Variants in ANO2 observed in about 807,000 individuals in gnomAD.
ANO2 encodes the protein anoctamin 2.
Under a neutral mutation model 124.2 loss-of-function variants are expected in ANO2, and 101 were observed. That is an observed-to-expected ratio of 0.81 (90% CI 0.69 to 0.96). The LOEUF (loss-of-function observed/expected upper bound fraction) is 0.96, where lower values mean the gene tolerates loss of function less well. Ranked by LOEUF, ANO2 falls within the 40% of genes least tolerant of loss-of-function variation. The pLI is 0.00. For synonymous variants in ANO2, 486 were observed against 482.5 expected (o/e 1.01, Z -0.09); for missense variants, 1,293 against 1,274.5 (o/e 1.01, Z -0.22).
At chr12:5,629,949 G>A (rs996210672) in intron 16 of ANO2, among the ~76,000 whole-genome samples, 7 of 152,306 alleles carry the variant, frequency 4.6e-5, no homozygotes, top group African/African-American at 7.2e-5. Flanking sequence ...GCAGCCAGGA[G>A]GACAATCACT....
chr12:5,806,579 A>C (rs1208619007), intron 8 of ANO2, among the ~76,000 whole-genome samples: 2 of 152,238 alleles, frequency 1.3e-5, no homozygotes, highest in Non-Finnish European at 2.9e-5. Context: ...CACGTGCCCA[A>C]GACCTGACCA....
chr12:5,653,645 A>G (rs1947021985), intron 14 of ANO2, among the ~76,000 whole-genome samples: 1 of 152,236 alleles, frequency 6.6e-6, no homozygotes, highest in African/African-American at 2.4e-5. Flanking sequence ...ATATGTACCA[A>G]GCATCATGCT....
rs374269290 is a variant in ANO2 at position 5,658,288 on chromosome 12, C to A, written c.1546-10487G>T. On this transcript the variant is annotated intron_variant, in intron 14 of 24. Transcript: ENST00000682330. The surrounding 1 kb of genome is among the most constrained non-coding windows in gnomAD (Gnocchi z 4.3). ...TAGTGCCAACGGTATGAGATTGCTG[C>A]TATGGAGATGAAATGAGGTAATGCA... Among the ~76,000 whole-genome samples, 1 of 152,150 alleles carries A rather than the reference C, an allele frequency of 6.6e-6. No homozygotes were observed. The highest frequency in any genetic ancestry group is 1.9e-4 in the East Asian group (1 of 5,194).
chr12:5,667,703 C>A (rs191669425), intron 14 of ANO2, among the ~76,000 whole-genome samples: 5 of 152,160 alleles, frequency 3.3e-5, no homozygotes, highest in African/African-American at 1.2e-4. Flanking sequence ...CTCCCTACCC[C>A]CTTCCATCTC....
At chr12:5,751,720 CTT>C (rs1951446913) in intron 10 of ANO2, among the ~76,000 whole-genome samples, 1 of 148,710 alleles carries the variant, frequency 6.7e-6, no homozygotes, top group African/African-American at 2.5e-5. Context: ...ATTATTTTCT[CTT>C]GTGTTAAGAG....
intron 15 of ANO2, among the ~76,000 whole-genome samples, chr12:5,640,011 C>A (rs899016622): frequency 1.3e-5 from 2 of 152,078 alleles, no homozygotes; most frequent in Admixed American, 6.5e-5. Context: ...CCGACAATTC[C>A]CCCCTTACAA....
rs142385950 is a variant in ANO2 at position 5,588,984 on chromosome 12, C to T, written c.2234-10466G>A. Among the ~76,000 whole-genome samples, 17 of 152,326 alleles carry T rather than the reference C, an allele frequency of 1.1e-4. No homozygotes were observed. The East Asian group carries it at 2.1e-3, about 19-fold the overall frequency. On this transcript the variant is annotated intron_variant, in intron 20 of 24. Coordinates refer to ENST00000682330, the MANE Select transcript of ANO2 (RefSeq NM_001364791.2). ...ACCCTGGGAACATGGGAAGGAGAGA[C>T]GCTCACTCTGCCTACAATGGTCATC...
At chr12:5,932,693 G>A (rs1171046133) in intron 1 of ANO2, among the ~76,000 whole-genome samples, 1 of 152,078 alleles carries the variant, frequency 6.6e-6, no homozygotes, top group African/African-American at 2.4e-5. Context: ...AAGGAAGGAA[G>A]GTAGACTAGA....
intron 1 of ANO2, among the ~76,000 whole-genome samples, chr12:5,936,260 T>C (rs375608201): frequency 1.3e-5 from 2 of 152,188 alleles, no homozygotes; most frequent in East Asian, 3.9e-4. Context: ...GCATTTTTAA[T>C]TTTTATGAAG....
intron 20 of ANO2, among the ~76,000 whole-genome samples, chr12:5,584,483 A>G (rs1942992613): frequency 6.6e-6 from 1 of 152,222 alleles, no homozygotes; most frequent in Admixed American, 6.5e-5. Context: ...GAGCAGTGCA[A>G]GGGAATCATG....
chr12:5,847,613 T>C (rs1408072679), intron 4 of ANO2, among the ~76,000 whole-genome samples: 1 of 152,144 alleles, frequency 6.6e-6, no homozygotes, highest in Admixed American at 6.5e-5. Flanking sequence ...GAAGAAGTCC[T>C]CCTGTGAAGC....
At chr12:5,760,803 T>G (rs1951718058) in intron 10 of ANO2, among the ~76,000 whole-genome samples, 1 of 152,024 alleles carries the variant, frequency 6.6e-6, no homozygotes, top group Non-Finnish European at 1.5e-5. Context: ...CCTCCAACTT[T>G]CCCAGAAAAT....
At chr12:5,847,151 T>G (rs1485842924) in intron 4 of ANO2, among the ~76,000 whole-genome samples, 2 of 152,158 alleles carry the variant, frequency 1.3e-5, no homozygotes, top group African/African-American at 4.8e-5. Flanking sequence ...ATCCAATCAG[T>G]TGAAGGCCGG....
chr12:5,863,876 G>A (rs1025850429), intron 3 of ANO2, among the ~76,000 whole-genome samples: 5 of 151,784 alleles, frequency 3.3e-5, no homozygotes, highest in African/African-American at 4.8e-5. Context: ...TTATATATTC[G>A]TTAGCTTTTA....
intron 7 of ANO2, among the ~76,000 whole-genome samples, chr12:5,814,155 G>T (rs73255123): frequency 6.6e-6 from 1 of 152,274 alleles, no homozygotes; most frequent in South Asian, 2.1e-4. Context: ...CCAATTCCAC[G>T]TTGCAGTGAC....
chr12:5,871,160 T>C (rs1445601888), intron 3 of ANO2, among the ~76,000 whole-genome samples: 6 of 152,196 alleles, frequency 3.9e-5, no homozygotes, highest in Non-Finnish European at 5.9e-5. Flanking sequence ...GAGCACTTAA[T>C]GGTCTCTCTA....
chr12:5,592,625 C>T (rs528963388), intron 20 of ANO2, among the ~76,000 whole-genome samples: 1 of 152,256 alleles, frequency 6.6e-6, no homozygotes, highest in African/African-American at 2.4e-5. Flanking sequence ...ATCTGGCTTG[C>T]ATCTTTTAAA....
chr12:5,632,801 A>C (rs547931973), intron 16 of ANO2, among the ~76,000 whole-genome samples: 6 of 152,316 alleles, frequency 3.9e-5, no homozygotes, highest in Admixed American at 3.9e-4. Context: ...AAGTGAGATA[A>C]TGTGACACAA....
Position 5,691,729 on chromosome 12 carries a change from C to A in ANO2, c.1545+40791G>T, listed in dbSNP as rs1055161960. Among the ~76,000 whole-genome samples the A allele has an allele frequency of 2.0e-5, 3 of 152,064 alleles. No homozygotes were observed. In the South Asian group the frequency reaches 6.2e-4, roughly 32 times the overall value. ...GACCAGCCTGGGCAACATGGCAAAA[C>A]CCCGTCTCTACTAAAAATACAAAAT... is the stretch of plus-strand genomic sequence containing the variant. On this transcript the variant is annotated intron_variant, in intron 14 of 24. Transcript: ENST00000682330.
Sources: allele counts gnomAD v4.1 joint callset (sites outside exome capture counted in the v4.1 genomes callset), GRCh38; gene constraint gnomAD v4.1.1; non-coding constraint Gnocchi (gnomAD v3.1); transcripts MANE v1.5; gene names NCBI Gene and HGNC (gene_info 2026-07-23, HGNC 2026-07-21).